The following PARN variants were observed in gnomAD, a reference collection of about 807,000 sequenced individuals.
PARN encodes the protein poly(A)-specific ribonuclease.
Under a neutral mutation model 102.8 loss-of-function variants are expected in PARN, and 71 were observed. The observed-to-expected ratio is 0.69, with a 90% CI of 0.57 to 0.84. PARN has a LOEUF of 0.84. Among genes scored for constraint, PARN ranks in the 40% least tolerant of loss-of-function variants. The probability of loss-of-function intolerance (pLI) is 0.00; values close to 1 mark genes in which losing one functional copy is unlikely to be tolerated. For synonymous variants in PARN, 261 were observed against 252.9 expected, an observed-to-expected ratio of 1.03 and a Z score of -0.30; for missense variants, 782 against 760.9, an observed-to-expected ratio of 1.03 and a Z score of -0.33.
intron 21 of PARN, among the ~76,000 whole-genome samples, chr16:14,534,982 G>C (rs1596603365): frequency 6.6e-6 from 1 of 152,010 alleles, no homozygotes; most frequent in Non-Finnish European, 1.5e-5. Context: ...TTACAGGCAT[G>C]TGCCACCATG....
At chr16:14,577,023 C>T (rs1041414705) in intron 18 of PARN, among the ~76,000 whole-genome samples, 2 of 152,270 alleles carry the variant, frequency 1.3e-5, no homozygotes, top group Admixed American at 6.5e-5. Flanking sequence ...ATAATGCAGA[C>T]GTAAGTGAAG....
Position 14,580,893 on chromosome 16 carries a change from T to C in PARN, c.1243A>G (p.Ile415Val). 2 of 1,607,600 alleles carry C rather than the reference T, an allele frequency of 1.2e-6. No individual in the cohort carries two copies. Among genetic ancestry groups the C allele is most frequent in the Non-Finnish European group, 1.7e-6 (2 of 1,174,346 alleles). Reference sequence around the variant, plus strand: ...ACTTACTTGTTAAAAAAAGGTTCAATGAGTTTTGATCTGGCAGACACATGA... The same window carrying C: ...ACTTACTTGTTAAAAAAAGGTTCAACGAGTTTTGATCTGGCAGACACATGA... Reference protein sequence around the residue: ...KIHVSARSKLIEPFFNKLFLM... With the variant: ...KIHVSARSKLVEPFFNKLFLM... Residue 415 changes from isoleucine to valine, a missense_variant, in exon 18 of 24, where the codon ATT (isoleucine) becomes GTT (valine). Transcript: ENST00000437198.
At chr16:14,630,003 G>A in intron 1 of PARN, 104 bp downstream of exon 1, 2 of 1,056,052 alleles carry the variant, frequency 1.9e-6, no homozygotes, top group South Asian at 1.4e-5. Flanking sequence ...CTGAGGGGCT[G>A]CCTCAGCCCC....
chr16:14,530,666 C>T (rs149273014), intron 21 of PARN, among the ~76,000 whole-genome samples: 5 of 152,244 alleles, frequency 3.3e-5, no homozygotes, highest in African/African-American at 1.2e-4. Context: ...GTGCAACCCT[C>T]ACTGGGTGAA....
At position 14,554,053 on chromosome 16, in the gene PARN, C is replaced by A; in HGVS notation, c.1405+12G>T. The A allele has an allele frequency of 6.3e-7, 1 of 1,588,088 alleles. No individual in the cohort carries two copies. Among genetic ancestry groups the A allele is most frequent in the Non-Finnish European group, 8.6e-7 (1 of 1,160,012 alleles). ...CAAAACCCTAAAAAGTACATCTGAA[C>A]TTGCGACTTACCAAAGGCACTGAAA... is the stretch of plus-strand genomic sequence containing the variant. On this transcript the variant is annotated intron_variant, in intron 20 of 23. Transcript: ENST00000437198.
At chr16:14,464,304 A>G (rs982269044) in intron 22 of PARN, among the ~76,000 whole-genome samples, 1 of 152,238 alleles carries the variant, frequency 6.6e-6, no homozygotes, top group Non-Finnish European at 1.5e-5. Flanking sequence ...AGCCACAGAG[A>G]AAGTTGTATT....
intron 22 of PARN, among the ~76,000 whole-genome samples, chr16:14,456,137 A>G (rs1264214924): frequency 6.6e-6 from 1 of 150,442 alleles, no homozygotes; most frequent in East Asian, 1.9e-4. Context: ...ACCCAGCCCC[A>G]CACTGTACTA....
At position 14,537,966 on chromosome 16, in the gene PARN, T is replaced by G; in HGVS notation, c.1480+14055A>C. On this transcript the variant is annotated intron_variant, in intron 21 of 23. Coordinates refer to ENST00000437198, the MANE Select transcript of PARN (RefSeq NM_002582.4). ...TTTGAATGTTCACAACACAAAACTA[T>G]AATACATCTTTGACATGATGGATAT... Among the ~76,000 whole-genome samples, 2 of 152,218 alleles carry G rather than the reference T, an allele frequency of 1.3e-5. 1 individual carries two copies. The highest frequency in any genetic ancestry group is 2.9e-5 in the Non-Finnish European group (2 of 68,036).
intron 22 of PARN, among the ~76,000 whole-genome samples, chr16:14,472,671 T>G (rs1187863075): frequency 6.6e-6 from 1 of 152,108 alleles, no homozygotes; most frequent in Non-Finnish European, 1.5e-5. Flanking sequence ...ATAAGAGCAA[T>G]GTATTTAAAG....
chr16:14,466,511 A>C (rs1962365926), intron 22 of PARN, among the ~76,000 whole-genome samples: 1 of 152,184 alleles, frequency 6.6e-6, no homozygotes, highest in Non-Finnish European at 1.5e-5. Context: ...CTCTTTTGTA[A>C]ATTTGTAACG....
chr16:14,568,252 G>A (rs1261710635), intron 18 of PARN, among the ~76,000 whole-genome samples: 1 of 126,690 alleles, frequency 7.9e-6, no homozygotes, highest in East Asian at 2.3e-4. Context: ...TCGCCCTGTT[G>A]CCCAGGCTGC....
chr16:14,505,354 G>A lies in PARN; in HGVS notation c.1481-22527C>T, dbSNP rs562362504. On this transcript the variant is annotated intron_variant, in intron 21 of 23. Transcript: ENST00000437198. ...TAGCTGGGCACAGTGGCGCACGCCT[G>A]TAGTCCCAGCTCCTCCAGAGGCTGA... 3.9e-5 allele frequency among the ~76,000 whole-genome samples: 6 copies of A among 152,348 alleles called. No homozygotes were observed. The East Asian group carries it at 1.2e-3, about 29-fold the overall frequency.
At chr16:14,605,504 TATTAAC>T (rs1427658865) in intron 10 of PARN, among the ~76,000 whole-genome samples, 1 of 152,224 alleles carries the variant, frequency 6.6e-6, no homozygotes, top group East Asian at 1.9e-4. Context: ...GTATATGTTG[TATTAAC>T]ATTAACAAAA....
chr16:14,531,533 C>G (rs992847990), intron 21 of PARN, among the ~76,000 whole-genome samples: 1 of 152,144 alleles, frequency 6.6e-6, no homozygotes, highest in Admixed American at 6.6e-5. Flanking sequence ...GTGGCAGGTT[C>G]CCAGATAAAT....
intron 21 of PARN, among the ~76,000 whole-genome samples, chr16:14,523,750 A>T: frequency 6.6e-6 from 1 of 152,206 alleles, no homozygotes; most frequent in East Asian, 1.9e-4. Context: ...AAATGACAGA[A>T]GGATTAGGGA....
intron 18 of PARN, among the ~76,000 whole-genome samples, chr16:14,564,243 G>A (rs2151724738): frequency 6.6e-6 from 1 of 152,348 alleles, no homozygotes; most frequent in East Asian, 1.9e-4. Flanking sequence ...AGAGAAGCAA[G>A]TGTAAGCAAG....
intron 22 of PARN, among the ~76,000 whole-genome samples, chr16:14,473,150 G>A (rs1962843722): frequency 6.6e-6 from 1 of 152,102 alleles, no homozygotes. Flanking sequence ...GGTATTTAAA[G>A]GAATAACAGA....
intron 18 of PARN, among the ~76,000 whole-genome samples, chr16:14,568,025 G>C (rs1371021622): frequency 6.6e-6 from 1 of 152,072 alleles, no homozygotes; most frequent in African/African-American, 2.4e-5. Flanking sequence ...TCAACACAGA[G>C]AGACTGTCAC....
At chr16:14,511,750 G>C (rs772359640) in intron 21 of PARN, among the ~76,000 whole-genome samples, 1 of 152,138 alleles carries the variant, frequency 6.6e-6, no homozygotes, top group African/African-American at 2.4e-5. Context: ...ACCCAGTCTG[G>C]AGTAGAGTGG....
Sources: gnomAD v4.1 joint callset for allele counts (sites outside exome capture counted in the v4.1 genomes callset) on GRCh38, gnomAD v4.1.1 for gene constraint, MANE v1.5 for transcripts, NCBI Gene and HGNC (gene_info 2026-07-23, HGNC 2026-07-21) for gene names.